The following MECOM variants were observed in gnomAD, a reference collection of about 807,000 sequenced individuals.
MECOM encodes the protein MDS1 and EVI1 complex locus.
A neutral mutation model predicts 116.3 loss-of-function variants in MECOM; 13 were observed. The observed-to-expected ratio is 0.11, with a 90% CI of 0.07 to 0.18. MECOM has a LOEUF of 0.18. Ranked by LOEUF, MECOM falls within the 10% of genes least tolerant of loss-of-function variation. The pLI, the probability that MECOM is intolerant of heterozygous loss-of-function variation, is 1.00. For synonymous variants in MECOM, 528 were observed against 535.2 expected (o/e 0.99, Z 0.19); for missense variants, 1,299 against 1,509.0 (o/e 0.86, Z 2.31).
chr3:169,527,062 T>C (rs1343960654), intron 1 of MECOM, among the ~76,000 whole-genome samples: 1 of 152,238 alleles, frequency 6.6e-6, no homozygotes, highest in African/African-American at 2.4e-5. Context: ...AAAGTCACTG[T>C]AACTATTAAC....
At chr3:169,382,171 G>T (rs570255793) in intron 1 of MECOM, among the ~76,000 whole-genome samples, 1 of 152,102 alleles carries the variant, frequency 6.6e-6, no homozygotes, top group Non-Finnish European at 1.5e-5. Flanking sequence ...CTGGGTATTC[G>T]TAAACGCTAA....
chr3:169,543,006 G>A (rs760323445), intron 1 of MECOM, among the ~76,000 whole-genome samples: 1 of 152,126 alleles, frequency 6.6e-6, no homozygotes, highest in Non-Finnish European at 1.5e-5. Context: ...AGTCAACATG[G>A]GATATTTGAA....
At chr3:169,147,715 G>T (rs371049931) in intron 2 of MECOM, 41 of 953,896 alleles carry the variant, frequency 4.3e-5, no homozygotes, top group Non-Finnish European at 4.8e-5. Context: ...GCACAAGTGT[G>T]GTGTGTGTGT....
chr3:169,547,788 A>C (rs1239787898), intron 1 of MECOM, among the ~76,000 whole-genome samples: 1 of 152,140 alleles, frequency 6.6e-6, no homozygotes, highest in Non-Finnish European at 1.5e-5. Flanking sequence ...GGGCAACTGG[A>C]GACCAGAGAT....
In MECOM at chr3:169,090,030, A is replaced by T; in HGVS notation, c.3371T>A (p.Leu1124Gln). The T allele has an allele frequency of 6.2e-7, 1 of 1,613,434 alleles. No individual in the cohort carries two copies. The highest frequency in any genetic ancestry group is 8.5e-7 in the Non-Finnish European group (1 of 1,179,584). The change falls in exon 15 of 17, where the codon CTG (leucine) becomes CAG (glutamine). Residue 1124 changes from leucine to glutamine, a missense_variant. Transcript: ENST00000651503. ...TGGGGATGTCTTGCAACTCATCTCC[A>T]GGGCACTGGTTTCTTCATAGTCATC... Reference protein sequence around the residue: ...PEDDYEETSALEMSCKTSPVR... With the variant: ...PEDDYEETSAQEMSCKTSPVR...
chr3:169,451,916 T>C (rs1745669242), intron 1 of MECOM, among the ~76,000 whole-genome samples: 1 of 151,902 alleles, frequency 6.6e-6, no homozygotes, highest in African/African-American at 2.4e-5. Context: ...TGCTAACTGA[T>C]AATTTAAAGC....
intron 3 of MECOM, chr3:169,133,492 T>TG (rs1735418923): frequency 6.6e-6 from 1 of 152,358 alleles, no homozygotes; most frequent in Non-Finnish European, 1.5e-5. Flanking sequence ...AATAAAATAA[T>TG]TTTTTTTCAT....
At chr3:169,154,287 A>G (rs1281150886) in intron 2 of MECOM, among the ~76,000 whole-genome samples, 7 of 152,118 alleles carry the variant, frequency 4.6e-5, no homozygotes, top group African/African-American at 7.2e-5. Context: ...AGGCCAGGAA[A>G]TTTATTCTCT....
chr3:169,572,181 G>T (rs1763984324), intron 1 of MECOM, among the ~76,000 whole-genome samples: 1 of 152,180 alleles, frequency 6.6e-6, no homozygotes, highest in South Asian at 2.1e-4. Context: ...GTGGATGAAT[G>T]ATATGAACAG....
chr3:169,528,078 T>A (rs1758167996), intron 1 of MECOM, among the ~76,000 whole-genome samples: 1 of 152,188 alleles, frequency 6.6e-6, no homozygotes, highest in Admixed American at 6.5e-5. Flanking sequence ...GGAACAGACT[T>A]CCTCCTTTCG....
intron 1 of MECOM, among the ~76,000 whole-genome samples, chr3:169,476,166 A>G (rs778079765): frequency 6.6e-6 from 1 of 152,036 alleles, no homozygotes; most frequent in African/African-American, 2.4e-5. Flanking sequence ...CCACCACAAG[A>G]CCTCCTGGGC....
intron 1 of MECOM, among the ~76,000 whole-genome samples, chr3:169,566,404 G>A (rs1374987503): frequency 6.6e-6 from 1 of 152,166 alleles, no homozygotes; most frequent in African/African-American, 2.4e-5. Context: ...GCTTAAGGAA[G>A]CACTCTTTCA....
Position 169,316,912 on chromosome 3 carries a change from C to T in MECOM, c.375+64275G>A, listed in dbSNP as rs566896560. 2.0e-5 allele frequency among the ~76,000 whole-genome samples: 3 copies of T among 152,310 alleles called. No homozygotes were observed. In the East Asian group the frequency reaches 5.8e-4, roughly 29 times the overall value. ...GTGTGTCATTAGTTAAAAGAAAAAT[C>T]CTGCCCATTATTCCTCATTTACATC... On this transcript the variant is annotated intron_variant, in intron 2 of 16. Transcript: ENST00000651503.
At chr3:169,401,422 C>T (rs1040315020) in intron 1 of MECOM, among the ~76,000 whole-genome samples, 3 of 148,634 alleles carry the variant, frequency 2.0e-5, no homozygotes, top group Admixed American at 1.4e-4. Flanking sequence ...CATTTAAAAA[C>T]CTACTATGGA....
chr3:169,096,036 T>TA (rs71634421), intron 12 of MECOM, among the ~76,000 whole-genome samples: 180 of 151,854 alleles, frequency 1.2e-3, no homozygotes, highest in African/African-American at 4.3e-3. Context: ...TTCCATGTGA[T>TA]AAAAAAAATC....
At chr3:169,138,724 A>G (rs1210499225) in intron 3 of MECOM, among the ~76,000 whole-genome samples, 1 of 152,074 alleles carries the variant, frequency 6.6e-6, no homozygotes, top group Non-Finnish European at 1.5e-5. Flanking sequence ...ATTACCTGAC[A>G]GTAGACACAA....
chr3:169,531,294 G>A (rs2109146456), intron 1 of MECOM, among the ~76,000 whole-genome samples: 1 of 152,248 alleles, frequency 6.6e-6, no homozygotes, highest in East Asian at 1.9e-4. Flanking sequence ...TGAGGCTCCT[G>A]ATCTCTCTAG....
chr3:169,193,671 AT>A (rs1348726068), intron 2 of MECOM, among the ~76,000 whole-genome samples: 12 of 151,992 alleles, frequency 7.9e-5, no homozygotes, highest in Non-Finnish European at 1.6e-4. Context: ...AATAAAAAAT[AT>A]TTAATTCTCA....
intron 2 of MECOM, among the ~76,000 whole-genome samples, chr3:169,221,632 G>A (rs1752146799): frequency 6.6e-6 from 1 of 151,404 alleles, no homozygotes; most frequent in Non-Finnish European, 1.5e-5. Context: ...TGAATGGGTT[G>A]GGCTAAGTGA....
Sources: allele counts gnomAD v4.1 joint callset (sites outside exome capture counted in the v4.1 genomes callset), GRCh38; gene constraint gnomAD v4.1.1; transcripts MANE v1.5; gene names NCBI Gene and HGNC (gene_info 2026-07-23, HGNC 2026-07-21).